The following ME2 variants were observed in gnomAD, a reference collection of about 807,000 sequenced individuals.
The protein encoded by ME2 is malic enzyme 2.
ME2 carries 60 observed loss-of-function variants against 73.7 expected under a neutral mutation model. The ratio of observed to expected loss-of-function variants is 0.81; its 90% CI spans 0.66 to 1.01. The LOEUF is 1.01. Ranked by LOEUF, ME2 falls within the 50% of genes least tolerant of loss-of-function variation. ME2 has a pLI of 0.00. For synonymous variants in ME2, 199 were observed against 236.9 expected (o/e 0.84, Z 1.47); for missense variants, 594 against 705.5 (o/e 0.84, Z 1.79).
intron 2 of ME2, among the ~76,000 whole-genome samples, chr18:50,899,878 G>A (rs966167401): frequency 1.9e-4 from 29 of 152,190 alleles, no homozygotes; most frequent in African/African-American, 6.5e-4. Context: ...CACACACAGA[G>A]CCTCAGTACA....
chr18:50,924,057 G>T, intron 10 of ME2, 41 bp from the exon 11 acceptor site: 1 of 1,196,530 alleles, frequency 8.4e-7, no homozygotes, highest in Non-Finnish European at 1.2e-6. Flanking sequence ...TCTTTAATAT[G>T]CATTGACTAA....
chr18:50,916,217 G>T lies in ME2; in HGVS notation c.442G>T (p.Asp148Tyr). 6.2e-7 allele frequency: 1 copy of T among 1,612,390 alleles called. No homozygotes were observed. The highest frequency in any genetic ancestry group is 8.5e-7 in the Non-Finnish European group (1 of 1,179,106). ...CAGAGGTCATGTTAGATCAATTGTGGATAACTGGCCAGAAAATCATGTTAA... is the reference window on the plus strand; with the variant it reads ...CAGAGGTCATGTTAGATCAATTGTGTATAACTGGCCAGAAAATCATGTTAA... Reference protein sequence around the residue: ...SDRGHVRSIVDNWPENHVKAV... With the variant: ...SDRGHVRSIVYNWPENHVKAV... The change falls in exon 5 of 16, where the codon GAT becomes TAT. Residue 148 changes from aspartate (D) to tyrosine (Y), a missense_variant. By Grantham distance (160) the Asp-to-Tyr change is radical (BLOSUM62 -3). Coordinates refer to ENST00000321341, the MANE Select transcript of ME2 (RefSeq NM_002396.5).
At chr18:50,893,151 A>AAAAAAAAAAAAAAAAAAAAAAAAAC (rs1916649164) in intron 1 of ME2, among the ~76,000 whole-genome samples, 1 of 143,284 alleles carries the variant, frequency 7.0e-6, no homozygotes. Flanking sequence ...AAAAAAAAAA[A>AAAAAAAAAAAAAAAAAAAAAAAAAC]ACACCTTTAA....
intron 3 of ME2, among the ~76,000 whole-genome samples, chr18:50,911,396 A>G (rs1027957514): frequency 2.0e-5 from 3 of 152,160 alleles, no homozygotes; most frequent in African/African-American, 7.2e-5. Flanking sequence ...TATGCCACAT[A>G]TTGCTATTAA....
At chr18:50,913,066 C>T in intron 4 of ME2, 116 bp downstream of exon 4, 3 of 895,838 alleles carry the variant, frequency 3.3e-6, no homozygotes, top group Non-Finnish European at 4.9e-6. Flanking sequence ...TTTCCCACCT[C>T]AGAAAAACGT....
At chr18:50,940,517 C>A in intron 15 of ME2, 131 bp downstream of exon 15, 1 of 646,708 alleles carries the variant, frequency 1.5e-6, no homozygotes, top group Non-Finnish European at 2.7e-6. Flanking sequence ...CATATTCTTA[C>A]TACCAGAATA....
intron 7 of ME2, 68 bp from the exon 8 acceptor site, chr18:50,920,388 A>G: frequency 1.9e-6 from 2 of 1,047,510 alleles, no homozygotes; most frequent in Middle Eastern, 2.0e-4. Flanking sequence ...ATCATAGGGA[A>G]TATTAGGTGG....
chr18:50,893,693 T>C (rs764008681), intron 1 of ME2, among the ~76,000 whole-genome samples: 4 of 152,266 alleles, frequency 2.6e-5, no homozygotes, highest in Non-Finnish European at 5.9e-5. Flanking sequence ...TGACAGAACA[T>C]ATTCAGAAAT....
intron 11 of ME2, 126 bp downstream of exon 11, chr18:50,924,338 C>A: frequency 1.6e-6 from 1 of 625,560 alleles, no homozygotes; most frequent in Non-Finnish European, 2.8e-6. Context: ...ACAATGTTTT[C>A]TGTGATAACT....
intron 14 of ME2, 154 bp downstream of exon 14, chr18:50,939,794 A>G (rs2144267447): frequency 1.7e-6 from 1 of 574,002 alleles, no homozygotes; most frequent in East Asian, 2.9e-5. Context: ...ATTTATGCAT[A>G]AAATTAATTT....
At chr18:50,893,140 A>AC (rs1916646943) in intron 1 of ME2, among the ~76,000 whole-genome samples, 1 of 151,194 alleles carries the variant, frequency 6.6e-6, no homozygotes, top group Non-Finnish European at 1.5e-5. Context: ...AAAAAAAAAA[A>AC]AAAAAAAAAA....
At position 50,950,541 on chromosome 18, in the gene ME2, G is replaced by A. The variant is rs1347232518; in HGVS notation, c.*3357G>A. The stretch of plus-strand genomic sequence containing the variant: ...TCCTTTCTCACTCAGGCTGCAGTGA[G>A]TGGCGTGATCTTGGCTCACTGCAAC... On this transcript the variant is annotated 3_prime_UTR_variant, in exon 16 of 16. Coordinates refer to ENST00000321341, the MANE Select transcript of ME2 (RefSeq NM_002396.5). 2 of 141,742 alleles carry A rather than the reference G, an allele frequency of 1.4e-5. No homozygotes were observed. Among genetic ancestry groups the A allele is most frequent in the African/African-American group, 5.3e-5 (2 of 37,486 alleles). The allele number at this position is 141,742 out of a possible 1,614,324, so 8.8% of individuals were successfully genotyped here.
chr18:50,947,284 T>G lies in ME2; in HGVS notation c.*100T>G. ...GTTTTATGGTGTTTTCTGTGTTTTG[T>G]TCTCCCTGACCACTTTGGTTGATGT... is the stretch of plus-strand genomic sequence containing the variant. On this transcript the variant is annotated 3_prime_UTR_variant, in exon 16 of 16. Coordinates refer to ENST00000321341, the MANE Select transcript of ME2 (RefSeq NM_002396.5). The G allele has an allele frequency of 7.8e-7, 1 of 1,274,102 alleles. No homozygotes were observed. The highest frequency in any genetic ancestry group is 1.1e-6 in the Non-Finnish European group (1 of 912,760). The allele number at this position is 1,274,102 out of a possible 1,614,324, so 78.9% of individuals were successfully genotyped here.
At chr18:50,944,277 TAGA>T (rs1918032536) in intron 15 of ME2, among the ~76,000 whole-genome samples, 1 of 152,166 alleles carries the variant, frequency 6.6e-6, no homozygotes, top group African/African-American at 2.4e-5. Context: ...CATGAGGTCA[TAGA>T]AGGAGACCTC....
chr18:50,925,810 C>G lies in ME2; in HGVS notation c.1226C>G (p.Ser409Cys), dbSNP rs149061503. 11 of 1,612,486 alleles carry G rather than the reference C, an allele frequency of 6.8e-6. No individual in the cohort carries two copies. In the African/African-American group the frequency reaches 1.1e-4, roughly 16 times the overall value. ...CCTGATGTAATCAGAGCCATGGCCT[C>G]TATCAATGAAAGGCCTGTAATATTT... is the stretch of plus-strand genomic sequence containing the variant. Reference protein sequence around the residue: ...FTPDVIRAMASINERPVIFAL... With the variant: ...FTPDVIRAMACINERPVIFAL... Residue 409 changes from serine to cysteine, a missense_variant, in exon 12 of 16, where the codon TCT (serine) becomes TGT (cysteine). Coordinates refer to ENST00000321341, the MANE Select transcript of ME2 (RefSeq NM_002396.5).
chr18:50,883,252 C>G (rs1415679637), intron 1 of ME2, among the ~76,000 whole-genome samples: 2 of 152,156 alleles, frequency 1.3e-5, no homozygotes, highest in African/African-American at 2.4e-5. Flanking sequence ...TCCAGTCTGT[C>G]TGACAGCAAA....
chr18:50,895,742 T>C, intron 1 of ME2, 67 bp from the exon 2 acceptor site: 1 of 962,426 alleles, frequency 1.0e-6, no homozygotes, highest in Non-Finnish European at 1.6e-6. Flanking sequence ...TGAAAACTGA[T>C]ACCCGATGGA....
intron 13 of ME2, among the ~76,000 whole-genome samples, chr18:50,935,925 G>T (rs1917808795): frequency 6.6e-6 from 1 of 151,708 alleles, no homozygotes; most frequent in Admixed American, 6.6e-5. Context: ...TTTAATTGAA[G>T]TCCTAGAAGA....
intron 6 of ME2, 57 bp downstream of exon 6, chr18:50,917,565 A>C: frequency 1.6e-6 from 2 of 1,236,936 alleles, no homozygotes; most frequent in Non-Finnish European, 2.2e-6. Flanking sequence ...AAATGTGTAC[A>C]ATATTCCTTT....
Sources: allele counts gnomAD v4.1 joint callset (sites outside exome capture counted in the v4.1 genomes callset), GRCh38; gene constraint gnomAD v4.1.1; transcripts MANE v1.5; gene names NCBI Gene and HGNC (gene_info 2026-07-23, HGNC 2026-07-21).